Variants in PAM observed in about 807,000 individuals in gnomAD.
The protein encoded by PAM is peptidyl-glycine alpha-amidating monooxygenase.
Under a neutral mutation model 122.1 loss-of-function variants are expected in PAM, and 72 were observed. The ratio of observed to expected loss-of-function variants is 0.59; its 90% CI spans 0.49 to 0.72. PAM has a LOEUF of 0.72. Among genes scored for constraint, PAM ranks in the 30% least tolerant of loss-of-function variants. The probability of loss-of-function intolerance (pLI) is 0.00; values close to 1 mark genes in which losing one functional copy is unlikely to be tolerated. For missense variants in PAM, 1,106 were observed against 1,183.7 expected (o/e 0.93, Z 0.96); for synonymous variants, 389 against 404.4 (o/e 0.96, Z 0.46).
At chr5:102,802,635 T>C (rs938571032) in intron 1 of PAM, among the ~76,000 whole-genome samples, 1 of 152,186 alleles carries the variant, frequency 6.6e-6, no homozygotes, top group African/African-American at 2.4e-5. Flanking sequence ...CCCCACTTAA[T>C]TACTCAAACT....
At chr5:102,926,817 C>A in intron 7 of PAM, 149 bp downstream of exon 7, 1 of 556,480 alleles carries the variant, frequency 1.8e-6, no homozygotes, top group Non-Finnish European at 3.2e-6. Context: ...TAATTTGGAA[C>A]TGTTGAAGGA....
At chr5:102,911,677 A>G (rs1801448843) in intron 4 of PAM, among the ~76,000 whole-genome samples, 1 of 151,968 alleles carries the variant, frequency 6.6e-6, no homozygotes, top group African/African-American at 2.4e-5. Context: ...TGTTGTCTTT[A>G]TGATCTATTC....
At chr5:102,783,668 C>T (rs1258530363) in intron 1 of PAM, among the ~76,000 whole-genome samples, 1 of 152,192 alleles carries the variant, frequency 6.6e-6, no homozygotes, top group African/African-American at 2.4e-5. Flanking sequence ...TAAACTACCT[C>T]TGTGCCAGTT....
At chr5:102,925,759 A>G (rs1417226816) in intron 6 of PAM, among the ~76,000 whole-genome samples, 2 of 151,766 alleles carry the variant, frequency 1.3e-5, no homozygotes, top group Admixed American at 6.6e-5. Flanking sequence ...GTTGACATAC[A>G]TTGGTAGAGG....
intron 1 of PAM, among the ~76,000 whole-genome samples, chr5:102,797,471 A>T (rs1233918810): frequency 2.0e-5 from 3 of 152,196 alleles, no homozygotes; most frequent in Admixed American, 6.5e-5. Flanking sequence ...TTTGTTTCCT[A>T]GTATGTGTTT....
intron 1 of PAM, among the ~76,000 whole-genome samples, chr5:102,824,180 G>C (rs2150351843): frequency 6.6e-6 from 1 of 152,222 alleles, no homozygotes. Context: ...CAAGAAAAAG[G>C]CTGTTGAGTT....
intron 1 of PAM, among the ~76,000 whole-genome samples, chr5:102,755,858 G>T (rs934712050): frequency 6.6e-6 from 1 of 152,108 alleles, no homozygotes; most frequent in Non-Finnish European, 1.5e-5. Context: ...CGAGTGCCGG[G>T]AAGCAGTGGA....
At chr5:102,868,779 T>C (rs1786409306) in intron 3 of PAM, among the ~76,000 whole-genome samples, 1 of 152,230 alleles carries the variant, frequency 6.6e-6, no homozygotes, top group Non-Finnish European at 1.5e-5. Flanking sequence ...TCATTATTAT[T>C]GTTATTCTTT....
At chr5:102,872,499 T>G (rs1466603441) in intron 3 of PAM, among the ~76,000 whole-genome samples, 1 of 152,236 alleles carries the variant, frequency 6.6e-6, no homozygotes, top group African/African-American at 2.4e-5. Flanking sequence ...GTACTTTAAC[T>G]TCTTCATTTT....
At chr5:103,025,023 T>C (rs867236755) in intron 23 of PAM, 108 bp from the exon 24 acceptor site, 2 of 734,032 alleles carry the variant, frequency 2.7e-6, no homozygotes, top group African/African-American at 1.8e-5. Context: ...TACACTGGAG[T>C]CAACAAGTTC....
rs7726028 is a variant in PAM, at chr5:102,994,976, C to G, written c.1613+4575C>G. On this transcript the variant is annotated intron_variant, in intron 16 of 25. Transcript: ENST00000438793. Reference sequence around the variant, plus strand: ...TCTAGGAATCTTCTTCCCTCCTCCCCCCAGATAGCTCACAAACCATCTCTT... The same window carrying G: ...TCTAGGAATCTTCTTCCCTCCTCCCGCCAGATAGCTCACAAACCATCTCTT... Among the ~76,000 whole-genome samples, 4 of 152,236 alleles carry G rather than the reference C, an allele frequency of 2.6e-5. No individual in the cohort carries two copies. In the East Asian group the frequency reaches 7.7e-4, roughly 29 times the overall value.
At chr5:103,012,625 C>A (rs939597016) in intron 21 of PAM, among the ~76,000 whole-genome samples, 31 of 151,950 alleles carry the variant, frequency 2.0e-4, no homozygotes, top group African/African-American at 7.0e-4. Flanking sequence ...CAGGCTGAGA[C>A]GGGCAGATCA....
chr5:102,774,427 C>T (rs998791715), intron 1 of PAM, among the ~76,000 whole-genome samples: 14 of 152,000 alleles, frequency 9.2e-5, no homozygotes, highest in Admixed American at 5.9e-4. Context: ...ACCTTGCCTT[C>T]GAATGTGACC....
Position 102,974,254 on chromosome 5 carries a change from A to G in PAM, c.1301A>G (p.Asp434Gly), listed in dbSNP as rs757787164. Residue 434 changes from aspartate to glycine, a missense_variant, in exon 15 of 26, where the codon GAT becomes GGT. Asp to Gly is a moderately conservative substitution (Grantham distance 94, BLOSUM62 -1). Transcript: ENST00000438793. ...ATTGCAAATGTAGTCCAAAAAAAGG[A>G]TCTTGGTCGATCTGATGCCAGAGAG... is the stretch of plus-strand genomic sequence containing the variant. ...AEIANVVQKKDLGRSDAREGA... is the reference protein window; with the variant it reads ...AEIANVVQKKGLGRSDAREGA... The G allele has an allele frequency of 2.5e-6, 4 of 1,614,048 alleles. No homozygotes were observed. Among genetic ancestry groups the G allele is most frequent in the Non-Finnish European group, 3.4e-6 (4 of 1,179,958 alleles).
At chr5:102,881,980 C>A (rs1791281826) in intron 3 of PAM, among the ~76,000 whole-genome samples, 1 of 145,512 alleles carries the variant, frequency 6.9e-6, no homozygotes, top group Non-Finnish European at 1.5e-5. Flanking sequence ...ATAAAGGTCT[C>A]CAGTTCCATC....
chr5:102,944,275 A>G (rs1477320143), intron 7 of PAM, among the ~76,000 whole-genome samples: 1 of 152,218 alleles, frequency 6.6e-6, no homozygotes, highest in East Asian at 1.9e-4. Context: ...GCAAGAGAAC[A>G]ACCACTATGA....
At chr5:102,845,430 C>T (rs1269157351) in intron 1 of PAM, among the ~76,000 whole-genome samples, 2 of 152,092 alleles carry the variant, frequency 1.3e-5, no homozygotes, top group Admixed American at 1.3e-4. Flanking sequence ...GCCGTGTGGT[C>T]AGTTGCTAGA....
At chr5:102,957,612 C>G (rs1001359765) in intron 12 of PAM, among the ~76,000 whole-genome samples, 2 of 151,912 alleles carry the variant, frequency 1.3e-5, no homozygotes, top group African/African-American at 4.8e-5. Flanking sequence ...CTCACTGCAA[C>G]CTCTGCCCCT....
At chr5:103,005,813 G>A (rs1462261226) in intron 18 of PAM, among the ~76,000 whole-genome samples, 16 of 152,146 alleles carry the variant, frequency 1.1e-4, no homozygotes, top group African/African-American at 3.9e-4. Flanking sequence ...TTTGTCCCTT[G>A]GACCAGATAT....
Sources: allele counts gnomAD v4.1 joint callset (sites outside exome capture counted in the v4.1 genomes callset), GRCh38; gene constraint gnomAD v4.1.1; transcripts MANE v1.5; gene names NCBI Gene and HGNC (gene_info 2026-07-23, HGNC 2026-07-21).